Variants in FLT4 observed in about 807,000 individuals in gnomAD.
FLT4 encodes fms related receptor tyrosine kinase 4.
A neutral mutation model predicts 163.2 loss-of-function variants in FLT4; 30 were observed. The observed-to-expected ratio is 0.18, with a 90% confidence interval of 0.14 to 0.25. FLT4 has a LOEUF of 0.25. Among genes scored for constraint, FLT4 ranks in the 10% least tolerant of loss-of-function variants. FLT4 has a pLI of 1.00. For synonymous variants in FLT4, 884 were observed against 789.5 expected, an observed-to-expected ratio of 1.12 and a Z score of -2.01; for missense variants, 1,510 against 1,863.8, an observed-to-expected ratio of 0.81 and a Z score of 3.50.
Position 180,602,345 on chromosome 5 carries a change from G to A in FLT4, c.*847C>T, listed in dbSNP as rs1761557682. On this transcript the variant is annotated 3_prime_UTR_variant, in exon 30 of 30. Transcript: ENST00000261937. The stretch of plus-strand genomic sequence containing the variant: ...TCCTCGGAGTCTGGGCCAGGTGGGA[G>A]AGCAAGGGCCTTCTCCAGAGGCACT... The A allele has an allele frequency of 4.2e-5, 13 of 311,400 alleles. No individual in the cohort carries two copies. In the East Asian group the frequency reaches 6.2e-4, roughly 15 times the overall value. 19.3% of individuals were successfully genotyped at this position (311,400 alleles called of 1,614,324 possible).
At chr5:180,605,812 T>G (rs772207872) in intron 29 of FLT4, among the ~76,000 whole-genome samples, 41 of 152,150 alleles carry the variant, frequency 2.7e-4, no homozygotes, top group Non-Finnish European at 5.0e-4. Context: ...TTTCCTGATC[T>G]CCTTCCACCC....
chr5:180,610,062 T>G, intron 27 of FLT4, 37 bp from the exon 28 acceptor site: 1 of 1,613,368 alleles, frequency 6.2e-7, no homozygotes, highest in Non-Finnish European at 8.5e-7. Flanking sequence ...AGGAACGCGC[T>G]GCAGCAACCC....
At chr5:180,641,605 C>T (rs1765106177) in intron 1 of FLT4, among the ~76,000 whole-genome samples, 1 of 149,048 alleles carries the variant, frequency 6.7e-6, no homozygotes, top group African/African-American at 2.5e-5. Context: ...ACCCTCTCTT[C>T]ACTCCTGGGG....
rs896669061 is a variant in FLT4, at chr5:180,623,380, C to T, written c.1549-541G>A. The stretch of plus-strand genomic sequence containing the variant: ...ACTGAGGCCTCAGGGAGTAGGAAGC[C>T]TGAGACACAGGGGAGGAGAGAGGGC... On this transcript the variant is annotated intron_variant, in intron 11 of 29. Coordinates refer to ENST00000261937, the MANE Select transcript of FLT4 (RefSeq NM_182925.5). The surrounding 1 kb of genome is among the most constrained non-coding windows in gnomAD (Gnocchi z 5.8). Among the ~76,000 whole-genome samples, 9 of 152,102 alleles carry T rather than the reference C, an allele frequency of 5.9e-5. No individual in the cohort carries two copies. The highest frequency in any genetic ancestry group is 2.2e-4 in the African/African-American group (9 of 41,420).
chr5:180,609,883 C>G, intron 28 of FLT4, 22 bp downstream of exon 28: 5 of 1,613,956 alleles, frequency 3.1e-6, no homozygotes, highest in Non-Finnish European at 4.2e-6. Context: ...AGAGCGCAGC[C>G]CCCACCCTTC....
Position 180,623,941 on chromosome 5 carries a change from C to T in FLT4, c.1542G>A (p.Lys514=), listed in dbSNP as rs748293421. ...CAGCGCGGCTGGCCTGTACCTTATT[C>T]TTTCCCTCCACAAACTCGGTCCAGG... ...LDTWTEFVEG[K]NKTVSKLVIQ... The change falls in exon 11 of 30, where the codon AAG becomes AAA. Residue 514 remains lysine, a synonymous_variant. Transcript: ENST00000261937. This position sits in a 1 kb window ranked among gnomAD's most constrained non-coding sequence, Gnocchi z 5.8. 2.0e-5 allele frequency: 32 copies of T among 1,613,514 alleles called. No individual in the cohort carries two copies. Among genetic ancestry groups the T allele is most frequent in the Non-Finnish European group, 2.3e-5 (27 of 1,180,002 alleles).
chr5:180,618,799 C>T lies in FLT4; in HGVS notation c.2972G>A (p.Gly991Glu), dbSNP rs764684231. The T allele has an allele frequency of 6.3e-7, 1 of 1,588,612 alleles. No individual in the cohort carries two copies. Among genetic ancestry groups the T allele is most frequent in the East Asian group, 2.3e-5 (1 of 43,240 alleles). Reference sequence around the variant, plus strand: ...TTGGTCTGGAGAAGCCCGCCTCGCTCCGCCCTCGGTCTTCGAGAACCGCGC... The same window carrying T: ...TTGGTCTGGAGAAGCCCGCCTCGCTTCGCCCTCGGTCTTCGAGAACCGCGC... ...LFARFSKTEG[G>E]ARRASPDQEA... Residue 991 changes from glycine (G) to glutamate (E), a missense_variant, in exon 21 of 30, where the codon GGA (glycine) becomes GAA (glutamate). Physicochemically the swap from Gly to Glu is moderately conservative, Grantham distance 98. Around this residue, in one of 5 missense-constraint regions of FLT4, gnomAD observed 878 missense variants for 1,016.7 expected, o/e 0.86. Transcript: ENST00000261937.
chr5:180,610,709 G>A (rs1013111906), intron 27 of FLT4, among the ~76,000 whole-genome samples: 1 of 151,822 alleles, frequency 6.6e-6, no homozygotes, highest in Non-Finnish European at 1.5e-5. Flanking sequence ...TAGATAATCA[G>A]AGATTCCTGG....
At chr5:180,610,519 G>C (rs968403188) in intron 27 of FLT4, among the ~76,000 whole-genome samples, 5 of 152,250 alleles carry the variant, frequency 3.3e-5, no homozygotes, top group African/African-American at 1.2e-4. Context: ...CTGCATCTCA[G>C]CAACACTGCT....
chr5:180,622,118 T>C (rs1763198709), intron 12 of FLT4, among the ~76,000 whole-genome samples: 2 of 152,090 alleles, frequency 1.3e-5, no homozygotes, highest in African/African-American at 4.8e-5. Flanking sequence ...TCTTGAAGCT[T>C]GCCATGCCCC....
intron 29 of FLT4, among the ~76,000 whole-genome samples, chr5:180,603,658 T>C (rs1761627280): frequency 6.6e-6 from 1 of 152,064 alleles, no homozygotes; most frequent in African/African-American, 2.4e-5. Context: ...TCCCAGCACT[T>C]TGCTGGGAGA....
At chr5:180,627,503 A>G (rs1763719531) in intron 8 of FLT4, among the ~76,000 whole-genome samples, 1 of 152,172 alleles carries the variant, frequency 6.6e-6, no homozygotes, top group African/African-American at 2.4e-5. Context: ...AGCGTGCTGG[A>G]CACACTGCGG....
intron 12 of FLT4, 116 bp downstream of exon 12, chr5:180,622,615 G>A (rs758642505): frequency 2.2e-5 from 16 of 717,512 alleles, no homozygotes; most frequent in African/African-American, 8.7e-5. Flanking sequence ...GTCTACAACC[G>A]GTAGGCCTTG....
intron 1 of FLT4, 99 bp downstream of exon 1, chr5:180,649,389 C>T: frequency 1.1e-6 from 1 of 884,604 alleles, no homozygotes; most frequent in Non-Finnish European, 1.6e-6. Flanking sequence ...GTCCCCCGCC[C>T]GTACCCGGCG....
At chr5:180,626,916 G>A (rs1273454673) in intron 8 of FLT4, among the ~76,000 whole-genome samples, 1 of 152,250 alleles carries the variant, frequency 6.6e-6, no homozygotes, top group Non-Finnish European at 1.5e-5. Flanking sequence ...TTGGGTGGGG[G>A]CGTGCAGCCT....
chr5:180,624,090 G>T, intron 10 of FLT4, 29 bp from the exon 11 acceptor site: 1 of 1,608,350 alleles, frequency 6.2e-7, no homozygotes, highest in Non-Finnish European at 8.5e-7. Context: ...GCAAGGGCAG[G>T]TCAGGGATAC....
intron 1 of FLT4, among the ~76,000 whole-genome samples, chr5:180,644,898 C>G (rs899723588): frequency 6.6e-6 from 1 of 152,250 alleles, no homozygotes; most frequent in African/African-American, 2.4e-5. Flanking sequence ...TGAGCGGGAA[C>G]GAAGCCATCA....
In FLT4 at chr5:180,609,970, C is replaced by T. The variant is rs773030985; in HGVS notation, c.3742G>A (p.Gly1248Ser). 5 of 1,614,070 alleles carry T rather than the reference C, an allele frequency of 3.1e-6. No individual in the cohort carries two copies. In the South Asian group the frequency reaches 4.4e-5, roughly 14 times the overall value. The change falls in exon 28 of 30, where the codon GGT (glycine) becomes AGT (serine). Residue 1248 changes from glycine to serine, a missense_variant. Physicochemically the swap from Gly to Ser is moderately conservative, Grantham distance 56. This residue lies in a region of FLT4 where 295 missense variants were observed against 311.0 expected (regional missense o/e 0.95). Transcript: ENST00000261937. ...TCAAATGTCTTCATCCTGGAGGAACCACGGGTCTCAGCCCCTCTGGCCAGG... is the reference window on the plus strand; with the variant it reads ...TCAAATGTCTTCATCCTGGAGGAACTACGGGTCTCAGCCCCTCTGGCCAGG... ...GCLARGAETR[G>S]SSRMKTFEEF...
chr5:180,642,025 G>A (rs1203852998), intron 1 of FLT4, among the ~76,000 whole-genome samples: 7 of 152,096 alleles, frequency 4.6e-5, no homozygotes, highest in Admixed American at 6.6e-5. Flanking sequence ...TGGCCAACAT[G>A]GTGAAACCCC....
Sources: allele counts gnomAD v4.1 joint callset (sites outside exome capture counted in the v4.1 genomes callset), GRCh38; gene constraint gnomAD v4.1.1; regional missense constraint gnomAD v4.1.1; non-coding constraint Gnocchi (gnomAD v3.1); transcripts MANE v1.5; gene names NCBI Gene and HGNC (gene_info 2026-07-23, HGNC 2026-07-21).